The following PACSIN2 variants were observed in gnomAD, a reference collection of about 807,000 sequenced individuals.
PACSIN2 encodes protein kinase C and casein kinase substrate in neurons 2.
PACSIN2 carries 25 observed loss-of-function variants against 63.8 expected under a neutral mutation model. That is an observed-to-expected ratio of 0.39 (90% confidence interval 0.29 to 0.55). The LOEUF (loss-of-function observed/expected upper bound fraction) is 0.55. Ranked by LOEUF, PACSIN2 falls within the 20% of genes least tolerant of loss-of-function variation. The pLI, the probability that PACSIN2 is intolerant of heterozygous loss-of-function variation, is 0.62. For synonymous variants in PACSIN2, 255 were observed against 256.2 expected (o/e 1.00, Z 0.05); for missense variants, 518 against 646.9 (o/e 0.80, Z 2.16).
chr22:42,888,714 G>T lies in PACSIN2; in HGVS notation c.538C>A (p.Pro180Thr). The change falls in exon 5 of 11, where the codon CCA becomes ACA. Residue 180 changes from proline to threonine, a missense_variant. By Grantham distance (38) the Pro-to-Thr change is conservative (BLOSUM62 -1). This residue lies in a region of PACSIN2 where 507 missense variants were observed against 612.3 expected (regional missense o/e 0.83). Coordinates refer to ENST00000263246, the MANE Select transcript of PACSIN2 (RefSeq NM_001184970.3). ...ISREANSKADPSLNPEQLKKL... is the reference protein window; with the variant it reads ...ISREANSKADTSLNPEQLKKL... Reference sequence around the variant, plus strand: ...TTGAGCTGTTCAGGGTTGAGGGATGGGTCTGCCTTGCTGTTGGCTTCTCGT... The same window carrying T: ...TTGAGCTGTTCAGGGTTGAGGGATGTGTCTGCCTTGCTGTTGGCTTCTCGT... 6.2e-7 allele frequency: 1 copy of T among 1,614,098 alleles called. No individual in the cohort carries two copies. Among genetic ancestry groups the T allele is most frequent in the Non-Finnish European group, 8.5e-7 (1 of 1,179,954 alleles).
In PACSIN2 at chr22:42,921,116, T is replaced by G. The variant is rs1023529068; in HGVS notation, c.-77-8959A>C. 3.9e-5 allele frequency among the ~76,000 whole-genome samples: 6 copies of G among 151,916 alleles called. No individual in the cohort carries two copies. The South Asian group carries it at 1.2e-3, about 32-fold the overall frequency. On this transcript the variant is annotated intron_variant, in intron 1 of 10. Coordinates refer to ENST00000263246, the MANE Select transcript of PACSIN2 (RefSeq NM_001184970.3). ...GGCTCACGCCTGTAATCCCAGCACT[T>G]TGGGAGGCCGAGAAGGGCAGATCAT...
chr22:42,969,545 G>A (rs916124358), intron 1 of PACSIN2, among the ~76,000 whole-genome samples: 4 of 152,130 alleles, frequency 2.6e-5, no homozygotes, highest in Admixed American at 6.5e-5. Context: ...CTCTGGCAAC[G>A]ATGACCATTG....
At chr22:42,968,112 G>A (rs1295944233) in intron 1 of PACSIN2, among the ~76,000 whole-genome samples, 2 of 152,160 alleles carry the variant, frequency 1.3e-5, no homozygotes, top group Non-Finnish European at 2.9e-5. Flanking sequence ...CAATGGTAGC[G>A]CGGGAAGCTG....
At chr22:42,890,127 G>C (rs1015064036) in intron 4 of PACSIN2, among the ~76,000 whole-genome samples, 1 of 151,126 alleles carries the variant, frequency 6.6e-6, no homozygotes, top group African/African-American at 2.4e-5. Context: ...TCAGCCTCCT[G>C]AGTAGCTGGA....
At chr22:42,918,186 C>T (rs1348472181) in intron 1 of PACSIN2, among the ~76,000 whole-genome samples, 1 of 152,232 alleles carries the variant, frequency 6.6e-6, no homozygotes, top group African/African-American at 2.4e-5. Flanking sequence ...AGACAGGCCA[C>T]ACCCTAGAAT....
chr22:42,968,659 T>G (rs1601589481), intron 1 of PACSIN2, among the ~76,000 whole-genome samples: 4 of 152,028 alleles, frequency 2.6e-5, no homozygotes. Flanking sequence ...GTGGATGAGG[T>G]GGGGAAGAGC....
At chr22:43,013,172 G>A (rs748667118) in intron 1 of PACSIN2, among the ~76,000 whole-genome samples, 3 of 152,218 alleles carry the variant, frequency 2.0e-5, no homozygotes, top group African/African-American at 7.2e-5. Flanking sequence ...AAAGCAGCAC[G>A]AGCTAAGGAT....
intron 1 of PACSIN2, among the ~76,000 whole-genome samples, chr22:42,916,904 T>C (rs781692334): frequency 5.9e-5 from 9 of 152,218 alleles, no homozygotes; most frequent in African/African-American, 1.7e-4. Context: ...CTCGGAAATG[T>C]TGGTGACTGG....
chr22:42,910,871 C>T (rs1931405178), intron 2 of PACSIN2, among the ~76,000 whole-genome samples: 1 of 152,044 alleles, frequency 6.6e-6, no homozygotes, highest in African/African-American at 2.4e-5. Context: ...CTGTCACATC[C>T]CTTGCCTAGC....
intron 3 of PACSIN2, 144 bp from the exon 4 acceptor site, chr22:42,891,326 T>C (rs1929899143): frequency 1.6e-6 from 1 of 609,394 alleles, no homozygotes. Flanking sequence ...TCAGGGACTC[T>C]GTGCCTTTTT....
intron 1 of PACSIN2, among the ~76,000 whole-genome samples, chr22:43,009,572 A>G (rs1025390073): frequency 1.3e-5 from 2 of 152,234 alleles, no homozygotes; most frequent in Non-Finnish European, 2.9e-5. Context: ...TTTTACAAAT[A>G]TGAAAACTGA....
chr22:42,982,886 A>AAAAAAAG (rs1922305900), intron 1 of PACSIN2, among the ~76,000 whole-genome samples: 1 of 139,848 alleles, frequency 7.2e-6, no homozygotes, highest in Admixed American at 7.4e-5. Flanking sequence ...AAAAAAAAAA[A>AAAAAAAG]AAAACAACAA....
intron 1 of PACSIN2, among the ~76,000 whole-genome samples, chr22:42,971,618 G>A (rs1008804472): frequency 2.0e-5 from 3 of 151,754 alleles, no homozygotes; most frequent in East Asian, 4.0e-4. Flanking sequence ...CTGCCCAACC[G>A]CCACCATGTC....
In PACSIN2 at chr22:42,879,125, C is replaced by A. The variant is rs775884231; in HGVS notation, c.951G>T (p.Lys317Asn). Residue 317 changes from lysine (K) to asparagine (N), a missense_variant, in exon 8 of 11, where the codon AAG (lysine) becomes AAT (asparagine). Coordinates refer to ENST00000263246, the MANE Select transcript of PACSIN2 (RefSeq NM_001184970.3). The part of the protein sequence containing the change: ...DLNRTLSRRE[K>N]KKATDGVTLT... The stretch of plus-strand genomic sequence containing the variant: ...GGGTGACGCCGTCAGTGGCCTTCTT[C>A]TTCTCTCTCCGGCTGAGGGTTCGAT... 2 of 1,613,976 alleles carry A rather than the reference C, an allele frequency of 1.2e-6. No homozygotes were observed. The highest frequency in any genetic ancestry group is 2.7e-5 in the African/African-American group (2 of 74,944).
intron 1 of PACSIN2, among the ~76,000 whole-genome samples, chr22:42,962,032 CA>C (rs1478929088): frequency 3.3e-5 from 5 of 152,188 alleles, no homozygotes; most frequent in Non-Finnish European, 7.3e-5. Flanking sequence ...CCACAGCTGG[CA>C]AGCACTCACT....
In PACSIN2 at chr22:42,869,803, T is replaced by C. The variant is rs1264228033; in HGVS notation, c.*1554A>G. 1.3e-5 allele frequency: 2 copies of C among 152,376 alleles called. No individual in the cohort carries two copies. Among genetic ancestry groups the C allele is most frequent in the South Asian group, 2.1e-4 (1 of 4,830 alleles). 9.4% of individuals were successfully genotyped at this position (152,376 alleles called of 1,614,324 possible). On this transcript the variant is annotated 3_prime_UTR_variant, in exon 11 of 11. Transcript: ENST00000263246. ...GAGATCAACTGTTTATTGATTTTTT[T>C]CCTCAAATACTACACATGTAAAGGA...
chr22:42,996,560 G>A (rs1029707842), intron 1 of PACSIN2, among the ~76,000 whole-genome samples: 1 of 149,452 alleles, frequency 6.7e-6, no homozygotes, highest in Admixed American at 6.7e-5. Flanking sequence ...AAATTGGCCA[G>A]GTATGATGGT....
intron 1 of PACSIN2, among the ~76,000 whole-genome samples, chr22:42,949,891 A>C (rs192589680): frequency 2.0e-5 from 3 of 152,350 alleles, no homozygotes; most frequent in South Asian, 2.1e-4. Context: ...TTTTACATCT[A>C]TCTCTCCCAA....
chr22:43,012,127 G>A (rs1426795106), intron 1 of PACSIN2, among the ~76,000 whole-genome samples: 1 of 151,496 alleles, frequency 6.6e-6, no homozygotes, highest in Non-Finnish European at 1.5e-5. Context: ...CCGGGCGACA[G>A]AGCGAGACTC....
Sources: allele counts gnomAD v4.1 joint callset (sites outside exome capture counted in the v4.1 genomes callset), GRCh38; gene constraint gnomAD v4.1.1; regional missense constraint gnomAD v4.1.1; transcripts MANE v1.5; gene names NCBI Gene and HGNC (gene_info 2026-07-23, HGNC 2026-07-21).